Variants in SLC22A23 observed in about 807,000 individuals in gnomAD.
SLC22A23 encodes solute carrier family 22 member 23.
SLC22A23 carries 26 observed loss-of-function variants against 61.0 expected under a neutral mutation model. The ratio of observed to expected loss-of-function variants is 0.43; its 90% CI spans 0.31 to 0.59. The LOEUF (loss-of-function observed/expected upper bound fraction) is 0.59, where lower values mean the gene tolerates loss of function less well. SLC22A23 is among the 20% of genes least tolerant of loss of function. SLC22A23 has a pLI of 0.11. For missense variants in SLC22A23, 796 were observed against 934.7 expected, an observed-to-expected ratio of 0.85 and a Z score of 1.94; for synonymous variants, 430 against 413.9, an observed-to-expected ratio of 1.04 and a Z score of -0.47.
Position 3,304,774 on chromosome 6 carries a change from G to A in SLC22A23, c.1083-6556C>T, listed in dbSNP as rs552686313. The stretch of plus-strand genomic sequence containing the variant: ...TATCCCCTCGTACTGCTGGAGGTGT[G>A]TGGGGCAGGACCCAGAGGTAAGGCA... On this transcript the variant is annotated intron_variant, in intron 4 of 9. Coordinates refer to ENST00000406686, the MANE Select transcript of SLC22A23 (RefSeq NM_015482.2). This position sits in a 1 kb window ranked among gnomAD's most constrained non-coding sequence, Gnocchi z 4.3. Among the ~76,000 whole-genome samples the A allele has an allele frequency of 2.0e-5, 3 of 152,276 alleles. No individual in the cohort carries two copies. The highest frequency in any genetic ancestry group is 7.2e-5 in the African/African-American group (3 of 41,564).
chr6:3,425,285 C>A (rs376489310), intron 1 of SLC22A23, among the ~76,000 whole-genome samples: 1 of 115,872 alleles, frequency 8.6e-6, no homozygotes, highest in Non-Finnish European at 1.7e-5. Flanking sequence ...ATGAATAATT[C>A]TTTTTTTTTT....
intron 4 of SLC22A23, among the ~76,000 whole-genome samples, chr6:3,306,092 C>G (rs1287370597): frequency 4.6e-5 from 7 of 152,152 alleles, no homozygotes; most frequent in Admixed American, 3.3e-4. Flanking sequence ...GAAGCTTTTA[C>G]TCATGGTGGA....
chr6:3,279,379 C>T (rs765639741), intron 9 of SLC22A23, among the ~76,000 whole-genome samples: 5 of 151,096 alleles, frequency 3.3e-5, no homozygotes, highest in Admixed American at 6.6e-5. Flanking sequence ...GGTGTGGTGG[C>T]GCGTGCACGT....
intron 3 of SLC22A23, among the ~76,000 whole-genome samples, chr6:3,343,722 C>T (rs142805368): frequency 6.6e-6 from 1 of 152,278 alleles, no homozygotes; most frequent in East Asian, 1.9e-4. Context: ...AACATAATGA[C>T]GTTGACTGAT....
intron 8 of SLC22A23, among the ~76,000 whole-genome samples, chr6:3,284,289 G>A (rs982785978): frequency 3.3e-5 from 5 of 152,188 alleles, no homozygotes; most frequent in Admixed American, 6.5e-5. Context: ...GTGCCACAGC[G>A]ACATCCCTCT....
At chr6:3,296,159 C>T (rs943504607) in intron 5 of SLC22A23, among the ~76,000 whole-genome samples, 24 of 152,222 alleles carry the variant, frequency 1.6e-4, no homozygotes, top group African/African-American at 3.1e-4. Context: ...AACCTGCTAA[C>T]GAGTGAGGTC....
intron 3 of SLC22A23, among the ~76,000 whole-genome samples, chr6:3,385,606 A>G (rs1454456794): frequency 6.6e-6 from 1 of 152,270 alleles, no homozygotes; most frequent in Non-Finnish European, 1.5e-5. Context: ...CAGGTGCCTT[A>G]GCTGAACCAC....
rs1164662566 is a variant in SLC22A23, at chr6:3,318,346, C to T, written c.1082+5488G>A. 1.3e-5 allele frequency among the ~76,000 whole-genome samples: 2 copies of T among 152,162 alleles called. No individual in the cohort carries two copies. The highest frequency in any genetic ancestry group is 2.9e-5 in the Non-Finnish European group (2 of 68,020). On this transcript the variant is annotated intron_variant, in intron 4 of 9. Coordinates refer to ENST00000406686, the MANE Select transcript of SLC22A23 (RefSeq NM_015482.2). The surrounding 1 kb of genome is among the most constrained non-coding windows in gnomAD (Gnocchi z 4.3). The stretch of plus-strand genomic sequence containing the variant: ...ACCCATCCAGAGCCGATACCCCAAC[C>T]ACTTCCTGTGTCGGGCTCTCACACG...
chr6:3,376,429 C>T (rs1766572628), intron 3 of SLC22A23, among the ~76,000 whole-genome samples: 1 of 152,156 alleles, frequency 6.6e-6, no homozygotes, highest in South Asian at 2.1e-4. Context: ...TGCCTGCCCC[C>T]ACCGACATCC....
intron 3 of SLC22A23, among the ~76,000 whole-genome samples, chr6:3,392,171 C>G (rs1018457292): frequency 2.0e-5 from 3 of 152,168 alleles, no homozygotes; most frequent in Non-Finnish European, 4.4e-5. Flanking sequence ...TGAGATCTGG[C>G]CAATGGGATG....
chr6:3,456,150 A>G lies in SLC22A23; in HGVS notation c.410T>C (p.Leu137Pro), dbSNP rs967316910. The G allele has an allele frequency of 3.2e-6, 5 of 1,551,148 alleles. No homozygotes were observed. The highest frequency in any genetic ancestry group is 1.7e-6 in the Non-Finnish European group (2 of 1,146,830). Residue 137 changes from leucine to proline, a missense_variant, in exon 1 of 10, where the codon CTG (leucine) becomes CCG (proline). Transcript: ENST00000406686. This position sits in a 1 kb window ranked among gnomAD's most constrained non-coding sequence, Gnocchi z 7.1. ...CCGGCCTGTGGTGGTGACCCCTGCC[A>G]GCTCGGTGCCTTTGCCGGCCCCGCG... ...WCRGAGKGTE[L>P]AGVTTTGRGG...
In SLC22A23 at chr6:3,361,203, G is replaced by GA. The variant is rs1436105209; in HGVS notation, c.914-37202dup. Among the ~76,000 whole-genome samples the GA allele has an allele frequency of 1.0e-3, 151 of 150,486 alleles. 1 individual carries two copies. Among genetic ancestry groups the GA allele is most frequent in the African/African-American group, 3.4e-3 (141 of 40,914 alleles). On this transcript the variant is annotated intron_variant, in intron 3 of 9. Transcript: ENST00000406686. ...ACACCCCCTCAACTGTCTTTCTACT[G>GA]AAAAAAAAGAGAGGGAAACGTGCTT... is the stretch of plus-strand genomic sequence containing the variant.
chr6:3,406,262 A>G (rs1006106126), intron 3 of SLC22A23, among the ~76,000 whole-genome samples: 11 of 152,158 alleles, frequency 7.2e-5, no homozygotes, highest in South Asian at 2.1e-4. Context: ...CATCAAATCA[A>G]CTTAAAAAAC....
chr6:3,391,975 C>G (rs1355406206), intron 3 of SLC22A23, among the ~76,000 whole-genome samples: 135 of 152,280 alleles, frequency 8.9e-4, no homozygotes, highest in African/African-American at 3.1e-3. Flanking sequence ...ATCAAAGGGC[C>G]AAACCATGCA....
Position 3,410,423 on chromosome 6 carries a change from G to T in SLC22A23, c.759-81C>A. On this transcript the variant is annotated intron_variant, in intron 2 of 9. Coordinates refer to ENST00000406686, the MANE Select transcript of SLC22A23 (RefSeq NM_015482.2). The surrounding 1 kb of genome is among the most constrained non-coding windows in gnomAD (Gnocchi z 5.0). ...AGATGCTGAAACCCGGTGTCCAGCA[G>T]GCACTCAATATATGTTGAATGAGTA... 1 of 1,426,012 alleles carries T rather than the reference G, an allele frequency of 7.0e-7. No individual in the cohort carries two copies. Among genetic ancestry groups the T allele is most frequent in the Non-Finnish European group, 9.4e-7 (1 of 1,061,194 alleles). 88.3% of individuals were successfully genotyped at this position (1,426,012 alleles called of 1,614,324 possible).
In SLC22A23 at chr6:3,456,095, G is replaced by T; in HGVS notation, c.465C>A (p.Leu155=). The part of the protein sequence containing the change: ...RGGDMGNWTS[L]PTTPFATAPW... ...GGGCAGTGGCGAAGGGGGTGGTGGG[G>T]AGGCTGGTCCAGTTGCCCATGTCCC... The change falls in exon 1 of 10, where the codon CTC becomes CTA. Residue 155 remains leucine (L), a synonymous_variant. Coordinates refer to ENST00000406686, the MANE Select transcript of SLC22A23 (RefSeq NM_015482.2). This position sits in a 1 kb window ranked among gnomAD's most constrained non-coding sequence, Gnocchi z 7.1. 10 of 1,550,444 alleles carry T rather than the reference G, an allele frequency of 6.4e-6. No homozygotes were observed. Among genetic ancestry groups the T allele is most frequent in the Non-Finnish European group, 8.7e-6 (10 of 1,146,610 alleles).
chr6:3,335,179 A>C (rs941656919), intron 3 of SLC22A23, among the ~76,000 whole-genome samples: 7 of 152,204 alleles, frequency 4.6e-5, no homozygotes, highest in African/African-American at 1.7e-4. Flanking sequence ...AGGGGTTTTC[A>C]AGAAACAGGT....
At chr6:3,355,055 T>C (rs1258808148) in intron 3 of SLC22A23, among the ~76,000 whole-genome samples, 1 of 151,636 alleles carries the variant, frequency 6.6e-6, no homozygotes, top group East Asian at 1.9e-4. Context: ...TACTACCGAG[T>C]TTATAAAAAC....
chr6:3,400,619 G>T (rs12209503), intron 3 of SLC22A23, among the ~76,000 whole-genome samples: 13,038 of 152,310 alleles, frequency 0.086, 678 homozygotes, highest in Middle Eastern at 0.13. Flanking sequence ...TGAGTAGTCA[G>T]CTACCTTGTT....
Sources: gnomAD v4.1 joint callset for allele counts (sites outside exome capture counted in the v4.1 genomes callset) on GRCh38, gnomAD v4.1.1 for gene constraint, Gnocchi (gnomAD v3.1) non-coding constraint, MANE v1.5 for transcripts, NCBI Gene and HGNC (gene_info 2026-07-23, HGNC 2026-07-21) for gene names.